PTPRE: variants seen among roughly 807,000 people sequenced by gnomAD.
PTPRE encodes protein tyrosine phosphatase receptor type E.
PTPRE carries 51 observed loss-of-function variants against 102.0 expected under a neutral mutation model. That is an observed-to-expected ratio of 0.50 (90% CI 0.40 to 0.63). PTPRE has a LOEUF of 0.63. Among genes scored for constraint, PTPRE ranks in the 30% least tolerant of loss-of-function variants. PTPRE has a pLI of 0.00. For missense variants in PTPRE, 752 were observed against 915.1 expected (o/e 0.82, Z 2.30); for synonymous variants, 345 against 348.2 (o/e 0.99, Z 0.10).
chr10:128,036,431 T>C (rs1303327637), intron 2 of PTPRE, among the ~76,000 whole-genome samples: 2 of 152,194 alleles, frequency 1.3e-5, no homozygotes, highest in Non-Finnish European at 2.9e-5. Context: ...ACATTGCTCA[T>C]AGGATTTCGG....
At chr10:127,988,625 G>A (rs1229281291) in intron 2 of PTPRE, among the ~76,000 whole-genome samples, 1 of 152,108 alleles carries the variant, frequency 6.6e-6, no homozygotes, top group Non-Finnish European at 1.5e-5. Flanking sequence ...TTTTAAAGCT[G>A]CTCATACACA....
chr10:128,059,654 C>T (rs1324283502), intron 7 of PTPRE, among the ~76,000 whole-genome samples: 1 of 152,198 alleles, frequency 6.6e-6, no homozygotes, highest in Non-Finnish European at 1.5e-5. Flanking sequence ...CAGAACCAGC[C>T]TGGTCCCAGC....
chr10:127,991,221 G>A (rs146169611), intron 2 of PTPRE, among the ~76,000 whole-genome samples: 71 of 152,292 alleles, frequency 4.7e-4, no homozygotes, highest in African/African-American at 1.6e-3. Flanking sequence ...GAATTCAAAG[G>A]CATCACTATT....
At chr10:128,063,999 G>C (rs575417858) in intron 10 of PTPRE, among the ~76,000 whole-genome samples, 5 of 152,224 alleles carry the variant, frequency 3.3e-5, no homozygotes, top group Non-Finnish European at 5.9e-5. Context: ...CCGGTTCAGT[G>C]GGAGCCGTGT....
chr10:127,919,995 G>A (rs1846479815), intron 1 of PTPRE, among the ~76,000 whole-genome samples: 1 of 151,990 alleles, frequency 6.6e-6, no homozygotes, highest in African/African-American at 2.4e-5. Context: ...TAGTGGCTTG[G>A]CATCTTGGAA....
chr10:127,931,667 C>A (rs1208684676), intron 1 of PTPRE, among the ~76,000 whole-genome samples: 1 of 152,196 alleles, frequency 6.6e-6, no homozygotes, highest in Non-Finnish European at 1.5e-5. Flanking sequence ...TGGAAGGAAT[C>A]CTAGGTTGTG....
intron 2 of PTPRE, among the ~76,000 whole-genome samples, chr10:128,027,689 C>T (rs973692261): frequency 2.0e-5 from 3 of 152,186 alleles, no homozygotes; most frequent in African/African-American, 2.4e-5. Context: ...CACCAGCATT[C>T]GTGTTATTTC....
At chr10:128,079,478 T>C (rs1358428742) in intron 19 of PTPRE, 82 bp from the exon 20 acceptor site, 1 of 1,524,932 alleles carries the variant, frequency 6.6e-7, no homozygotes, top group African/African-American at 1.4e-5. Context: ...AGTGCTGATA[T>C]GCAGGGGTTG....
chr10:127,911,574 AG>A lies in PTPRE; in HGVS notation c.-31+4269del, dbSNP rs560393334. On this transcript the variant is annotated intron_variant, in intron 1 of 20. Coordinates refer to ENST00000254667, the MANE Select transcript of PTPRE (RefSeq NM_006504.6). The stretch of plus-strand genomic sequence containing the variant: ...AACTTCACTTTGCTTATCCAAAGAA[AG>A]GGGCTGTCCTGGGCCATCTCTGGGC... Among the ~76,000 whole-genome samples, 416 of 152,322 alleles carry A rather than the reference AG, an allele frequency of 2.7e-3. 3 individuals are homozygous for A. Among genetic ancestry groups the A allele is most frequent in the Non-Finnish European group, 4.4e-3 (302 of 68,040 alleles).
chr10:128,068,104 C>A lies in PTPRE; in HGVS notation c.844-19C>A. ...GGAGGATTGTTTCACCCACTCTTGT[C>A]TCCCCGCGTCCCCCGCAGCAGCTCC... On this transcript the variant is annotated intron_variant, in intron 11 of 20. Coordinates refer to ENST00000254667, the MANE Select transcript of PTPRE (RefSeq NM_006504.6). 1 of 1,603,670 alleles carries A rather than the reference C, an allele frequency of 6.2e-7. No homozygotes were observed.
At chr10:128,030,000 CAAAG>C (rs765755483) in intron 2 of PTPRE, among the ~76,000 whole-genome samples, 2 of 152,210 alleles carry the variant, frequency 1.3e-5, no homozygotes, top group Non-Finnish European at 2.9e-5. Context: ...TGAAAAACCT[CAAAG>C]AAAGACCCAG....
intron 1 of PTPRE, among the ~76,000 whole-genome samples, chr10:127,943,043 A>C (rs1424877050): frequency 6.6e-6 from 1 of 152,190 alleles, no homozygotes; most frequent in Non-Finnish European, 1.5e-5. Context: ...GGAAACACCA[A>C]CACTGTTTTC....
chr10:128,077,682 G>C lies in PTPRE; in HGVS notation c.1791G>C (p.Glu597Asp). Reference sequence around the variant, plus strand: ...AGTTTCACTTCCACGGCTGGCCTGAGATCGGGATTCCCGCCGAGGGCAAAG... The same window carrying C: ...AGTTTCACTTCCACGGCTGGCCTGACATCGGGATTCCCGCCGAGGGCAAAG... ...VRQFHFHGWP[E>D]IGIPAEGKGM... Residue 597 changes from glutamate to aspartate, a missense_variant, in exon 19 of 21, where the codon GAG (glutamate) becomes GAC (aspartate). By Grantham distance (45) the Glu-to-Asp change is conservative. Around this residue, in one of 2 missense-constraint regions of PTPRE, gnomAD observed 636 missense variants for 824.4 expected, o/e 0.77. Transcript: ENST00000254667. 3 of 1,613,876 alleles carry C rather than the reference G, an allele frequency of 1.9e-6. No homozygotes were observed. Among genetic ancestry groups the C allele is most frequent in the Non-Finnish European group, 2.5e-6 (3 of 1,179,804 alleles).
chr10:127,955,124 G>A (rs547496159), intron 1 of PTPRE, among the ~76,000 whole-genome samples: 5 of 152,188 alleles, frequency 3.3e-5, no homozygotes, highest in Admixed American at 2.6e-4. Context: ...CCCCTAGGGT[G>A]CCTCTTAGTA....
At position 127,976,772 on chromosome 10, in the gene PTPRE, C is replaced by A. The variant is rs180806163; in HGVS notation, c.-30-5502C>A. 4.2e-4 allele frequency among the ~76,000 whole-genome samples: 64 copies of A among 152,248 alleles called. No individual in the cohort carries two copies. The East Asian group carries it at 0.01, about 24-fold the overall frequency. ...AGCTCCTTCTGTCCTGTCTTTCATGCATTAGAAAATATAGACATTAACAGC... is the reference window on the plus strand; with the variant it reads ...AGCTCCTTCTGTCCTGTCTTTCATGAATTAGAAAATATAGACATTAACAGC... On this transcript the variant is annotated intron_variant, in intron 1 of 20. Transcript: ENST00000254667.
At chr10:127,912,190 A>C (rs1845912469) in intron 1 of PTPRE, among the ~76,000 whole-genome samples, 1 of 152,136 alleles carries the variant, frequency 6.6e-6, no homozygotes, top group African/African-American at 2.4e-5. Flanking sequence ...TGAACTGTTA[A>C]CAACACCCTG....
At chr10:127,975,919 G>GT (rs1223228532) in intron 1 of PTPRE, among the ~76,000 whole-genome samples, 14 of 152,266 alleles carry the variant, frequency 9.2e-5, no homozygotes. Flanking sequence ...CTGAGCCTCA[G>GT]TTCCCCCTCT....
chr10:128,047,662 G>GT, intron 4 of PTPRE, 102 bp from the exon 5 acceptor site: 1 of 1,614,230 alleles, frequency 6.2e-7, no homozygotes, highest in Non-Finnish European at 8.5e-7. Context: ...AGCAACAGGA[G>GT]TAGCTTTTCC....
At chr10:127,973,801 C>T (rs1239610396) in intron 1 of PTPRE, among the ~76,000 whole-genome samples, 1 of 152,172 alleles carries the variant, frequency 6.6e-6, no homozygotes, top group Non-Finnish European at 1.5e-5. Flanking sequence ...CTGTCGATGG[C>T]AACGCTTCAC....
Sources: allele counts gnomAD v4.1 joint callset (sites outside exome capture counted in the v4.1 genomes callset), GRCh38; gene constraint gnomAD v4.1.1; regional missense constraint gnomAD v4.1.1; transcripts MANE v1.5; gene names NCBI Gene and HGNC (gene_info 2026-07-23, HGNC 2026-07-21).